CUL5: variants seen among roughly 807,000 people sequenced by gnomAD.
CUL5 encodes the protein cullin-5.
CUL5 carries 26 observed loss-of-function variants against 108.8 expected under a neutral mutation model. The ratio of observed to expected loss-of-function variants is 0.24; its 90% CI spans 0.18 to 0.33. CUL5 has a LOEUF of 0.33. CUL5 is among the 10% of genes least tolerant of loss of function. The probability of loss-of-function intolerance (pLI) is 1.00; values close to 1 mark genes in which losing one functional copy is unlikely to be tolerated. For missense variants in CUL5, 524 were observed against 909.2 expected, an observed-to-expected ratio of 0.58 and a Z score of 5.45; for synonymous variants, 334 against 298.0, an observed-to-expected ratio of 1.12 and a Z score of -1.25.
intron 1 of CUL5, among the ~76,000 whole-genome samples, chr11:108,026,223 G>T (rs1040738503): frequency 1.3e-5 from 2 of 152,064 alleles, no homozygotes; most frequent in Non-Finnish European, 2.9e-5. Context: ...TCACTTTTCA[G>T]TGCCAGTACC....
chr11:108,038,208 G>A (rs1862794264), intron 2 of CUL5, among the ~76,000 whole-genome samples: 1 of 150,062 alleles, frequency 6.7e-6, no homozygotes, highest in South Asian at 2.1e-4. Flanking sequence ...GGGTGTGGTG[G>A]GGTGTTTTGT....
In CUL5 at chr11:108,073,312, A is replaced by T. The variant is rs1863869687; in HGVS notation, c.1006-78A>T. ...TCCCCAGTTTTAAATGAGTTTTATT[A>T]AAATTATGTTTATTTTCTCATTTTT... On this transcript the variant is annotated intron_variant, in intron 9 of 18. Transcript: ENST00000393094. The T allele has an allele frequency of 5.9e-6, 4 of 676,576 alleles. No individual in the cohort carries two copies. The East Asian group carries it at 1.2e-4, about 21-fold the overall frequency. The allele number at this position is 676,576 out of a possible 1,614,324, so 41.9% of individuals were successfully genotyped here.
chr11:108,075,485 C>T (rs1863920343), intron 10 of CUL5, among the ~76,000 whole-genome samples: 1 of 152,130 alleles, frequency 6.6e-6, no homozygotes, highest in African/African-American at 2.4e-5. Context: ...GGTTTGACAG[C>T]ATTTGTTACA....
At chr11:108,071,484 A>G (rs1309911422) in intron 8 of CUL5, among the ~76,000 whole-genome samples, 1 of 152,090 alleles carries the variant, frequency 6.6e-6, no homozygotes, top group Non-Finnish European at 1.5e-5. Context: ...GCTGATCTCC[A>G]CTGCTTCTGG....
intron 3 of CUL5, among the ~76,000 whole-genome samples, chr11:108,048,608 C>G (rs2135125249): frequency 6.7e-6 from 1 of 148,440 alleles, no homozygotes; most frequent in African/African-American, 2.5e-5. Flanking sequence ...AATCACAGGA[C>G]CAGCCCAAAC....
chr11:108,075,607 C>G (rs1863922613), intron 10 of CUL5, among the ~76,000 whole-genome samples: 1 of 152,174 alleles, frequency 6.6e-6, no homozygotes, highest in Non-Finnish European at 1.5e-5. Context: ...GCAATCATAG[C>G]TGACTGCAGC....
rs746180978 is a variant in CUL5 at position 108,054,927 on chromosome 11, C to A, written c.752C>A (p.Thr251Lys). ...AAACGAGCACTACGTTATTTAGAAACAAGACGAGAATGTAACTCCGTTGAA... is the reference window on the plus strand; with the variant it reads ...AAACGAGCACTACGTTATTTAGAAAAAAGACGAGAATGTAACTCCGTTGAA... Reference protein sequence around the residue: ...EEKRALRYLETRRECNSVEAL... With the variant: ...EEKRALRYLEKRRECNSVEAL... Residue 251 changes from threonine to lysine, a missense_variant, in exon 7 of 19, where the codon ACA (threonine) becomes AAA (lysine). Coordinates refer to ENST00000393094, the MANE Select transcript of CUL5 (RefSeq NM_003478.6). 1.1e-5 allele frequency: 17 copies of A among 1,607,866 alleles called. No homozygotes were observed. Among genetic ancestry groups the A allele is most frequent in the Non-Finnish European group, 1.4e-5 (17 of 1,178,352 alleles).
chr11:108,069,921 C>T (rs1183767388), intron 7 of CUL5, among the ~76,000 whole-genome samples, 175 bp from the exon 8 acceptor site: 1 of 152,080 alleles, frequency 6.6e-6, no homozygotes, highest in Non-Finnish European at 1.5e-5. Context: ...GGAAAATACA[C>T]TTTGGTAAAC....
intron 1 of CUL5, among the ~76,000 whole-genome samples, chr11:108,011,626 T>C (rs1591267108): frequency 6.6e-6 from 1 of 151,662 alleles, no homozygotes; most frequent in Non-Finnish European, 1.5e-5. Context: ...TCTTTCTTTT[T>C]AATTTTTTTT....
intron 1 of CUL5, among the ~76,000 whole-genome samples, chr11:108,019,380 C>A (rs1196649931): frequency 6.6e-6 from 1 of 152,138 alleles, no homozygotes; most frequent in Non-Finnish European, 1.5e-5. Context: ...AAATAACTAA[C>A]CTCATAATTC....
intron 7 of CUL5, among the ~76,000 whole-genome samples, chr11:108,068,617 C>T (rs1211845714): frequency 1.3e-5 from 2 of 152,106 alleles, no homozygotes; most frequent in Non-Finnish European, 2.9e-5. Context: ...ACATAATTGC[C>T]TCCCTTAATT....
At chr11:108,093,004 A>G (rs11212510) in intron 13 of CUL5, among the ~76,000 whole-genome samples, 56,337 of 151,720 alleles carry the variant, frequency 0.37, 11,689 homozygotes, top group Middle Eastern at 0.54. Context: ...TTTAGCAGAG[A>G]TGGGTTTCAC....
intron 1 of CUL5, among the ~76,000 whole-genome samples, chr11:108,031,426 G>A (rs1315607733): frequency 6.6e-6 from 1 of 151,964 alleles, no homozygotes; most frequent in African/African-American, 2.4e-5. Context: ...TAGAAAGTTA[G>A]GTTTTACATT....
chr11:108,017,261 A>T (rs950304935), intron 1 of CUL5, among the ~76,000 whole-genome samples: 7 of 151,894 alleles, frequency 4.6e-5, no homozygotes, highest in African/African-American at 1.7e-4. Flanking sequence ...GTGGTGGTGT[A>T]CGGTTTTAGT....
At chr11:108,046,509 TAATGA>T (rs1382438933) in intron 3 of CUL5, 140 bp downstream of exon 3, 1 of 551,596 alleles carries the variant, frequency 1.8e-6, no homozygotes, top group Non-Finnish European at 3.2e-6. Context: ...ATAAATTTAT[TAATGA>T]AATGATCGTC....
At chr11:108,075,415 A>G (rs1591317874) in intron 10 of CUL5, among the ~76,000 whole-genome samples, 1 of 152,184 alleles carries the variant, frequency 6.6e-6, no homozygotes, top group Non-Finnish European at 1.5e-5. Context: ...TTAGGAAAAA[A>G]CAGCTCTTTG....
intron 16 of CUL5, among the ~76,000 whole-genome samples, chr11:108,097,150 T>C (rs756170103): frequency 6.6e-6 from 1 of 152,158 alleles, no homozygotes; most frequent in Non-Finnish European, 1.5e-5. Flanking sequence ...CCCAAGTAGC[T>C]GGGACTACAG....
chr11:108,071,871 A>AT (rs567570092), intron 8 of CUL5, among the ~76,000 whole-genome samples: 3,687 of 151,676 alleles, frequency 0.024, 64 homozygotes, highest in African/African-American at 0.039. Flanking sequence ...TTTTAATTCG[A>AT]TTTTTTTTTA....
At chr11:108,032,095 T>C (rs1862601073) in intron 1 of CUL5, among the ~76,000 whole-genome samples, 2 of 152,174 alleles carry the variant, frequency 1.3e-5, no homozygotes, top group Non-Finnish European at 2.9e-5. Context: ...AAATAATCTG[T>C]ACAACAAATC....
Sources: gnomAD v4.1 joint callset for allele counts (sites outside exome capture counted in the v4.1 genomes callset) on GRCh38, gnomAD v4.1.1 for gene constraint, MANE v1.5 for transcripts, NCBI Gene and HGNC (gene_info 2026-07-23, HGNC 2026-07-21) for gene names.